Variants in SLC44A3 observed in about 807,000 individuals in gnomAD.
The protein encoded by SLC44A3 is choline transporter-like protein 3.
Under a neutral mutation model 75.4 loss-of-function variants are expected in SLC44A3, and 74 were observed. The observed-to-expected ratio is 0.98, with a 90% CI of 0.81 to 1.19. The LOEUF (loss-of-function observed/expected upper bound fraction) is 1.19, where lower values mean the gene tolerates loss of function less well. Ranked by LOEUF, SLC44A3 falls within the 50% of genes most tolerant of loss-of-function variation. SLC44A3 has a pLI of 0.00. For missense variants in SLC44A3, 700 were observed against 778.6 expected (o/e 0.90, Z 1.20); for synonymous variants, 310 against 296.9 (o/e 1.04, Z -0.45).
At position 94,864,742 on chromosome 1, in the gene SLC44A3, GA is replaced by G. The variant is rs1666964865; in HGVS notation, c.1240del (p.Ser414ValfsTer26). The G allele has an allele frequency of 1.9e-6, 3 of 1,611,124 alleles. No individual in the cohort carries two copies. Among genetic ancestry groups the G allele is most frequent in the Non-Finnish European group, 2.5e-6 (3 of 1,178,910 alleles). ...AGAVVTCYFN[R>X]SKNDPPDHPI... Reference sequence around the variant, plus strand: ...AATGCTATCCTTTTCCCTATTTCCAGAAGTAAAAATGATCCTCCTGATCATC... The same window carrying G: ...AATGCTATCCTTTTCCCTATTTCCAGAGTAAAAATGATCCTCCTGATCATC... On this transcript the variant is annotated frameshift_variant and splice_region_variant, in exon 11 of 15. Transcript: ENST00000271227. LOFTEE classifies it high-confidence loss of function.
chr1:94,872,582 C>T (rs1462374072), intron 12 of SLC44A3, among the ~76,000 whole-genome samples: 2 of 152,266 alleles, frequency 1.3e-5, no homozygotes. Context: ...AAAATGACTT[C>T]AGTCAGGTAT....
At chr1:94,820,514 C>T in intron 1 of SLC44A3, 36 bp downstream of exon 1, 4 of 1,485,974 alleles carry the variant, frequency 2.7e-6, no homozygotes, top group East Asian at 2.7e-5. Flanking sequence ...GGGGGAGGAG[C>T]CCCGGGGAAG....
At chr1:94,871,917 C>T (rs1667801363) in intron 12 of SLC44A3, among the ~76,000 whole-genome samples, 1 of 152,198 alleles carries the variant, frequency 6.6e-6, no homozygotes, top group Non-Finnish European at 1.5e-5. Flanking sequence ...AGACATCTAA[C>T]TGCCGAGGCA....
rs1206547941 is a variant in SLC44A3 at position 94,858,183 on chromosome 1, C to CA, written c.1238+690dup. On this transcript the variant is annotated intron_variant, in intron 10 of 14. Coordinates refer to ENST00000271227, the MANE Select transcript of SLC44A3 (RefSeq NM_001114106.3). ...AATATCCATCCTAATTGACTTCAGACAAAAAAATTACTGGTCTATTTTGAA... is the reference window on the plus strand; with the variant it reads ...AATATCCATCCTAATTGACTTCAGACAAAAAAAATTACTGGTCTATTTTGAA... 2.0e-5 allele frequency among the ~76,000 whole-genome samples: 3 copies of CA among 152,078 alleles called. No individual in the cohort carries two copies. In the East Asian group the frequency reaches 5.8e-4, roughly 29 times the overall value.
chr1:94,827,702 A>G, intron 4 of SLC44A3, 59 bp downstream of exon 4: 1 of 1,577,986 alleles, frequency 6.3e-7, no homozygotes, highest in Non-Finnish European at 8.7e-7. Context: ...GTGGGGACCT[A>G]GATGAGATCA....
intron 7 of SLC44A3, among the ~76,000 whole-genome samples, chr1:94,840,305 T>TA: frequency 6.8e-6 from 1 of 147,338 alleles, no homozygotes; most frequent in Non-Finnish European, 1.5e-5. Context: ...TTTTTTTTTT[T>TA]TTGAGGCAGG....
intron 12 of SLC44A3, among the ~76,000 whole-genome samples, chr1:94,878,464 A>T (rs1469884440): frequency 6.6e-6 from 1 of 152,144 alleles, no homozygotes; most frequent in African/African-American, 2.4e-5. Context: ...GCTTTTTAAC[A>T]TATACCAAAA....
chr1:94,842,017 T>C lies in SLC44A3; in HGVS notation c.778T>C (p.Trp260Arg), dbSNP rs770081467. 13 of 1,611,594 alleles carry C rather than the reference T, an allele frequency of 8.1e-6. No individual in the cohort carries two copies. In the Admixed American group the frequency reaches 2.2e-4, roughly 27 times the overall value. ...LGLLFVCGVL[W>R]WLYYDYTNDL... ...TTTTCTAGTTGTCTGCGGTGTTTTA[T>C]GGTGGCTGTATTATGACTATACCAA... Residue 260 changes from tryptophan to arginine, a missense_variant, in exon 8 of 15, where the codon TGG becomes CGG. Physicochemically the swap from Trp to Arg is moderately radical, Grantham distance 101. Coordinates refer to ENST00000271227, the MANE Select transcript of SLC44A3 (RefSeq NM_001114106.3).
intron 7 of SLC44A3, among the ~76,000 whole-genome samples, chr1:94,841,205 C>T (rs1011429071): frequency 2.6e-5 from 4 of 152,198 alleles, no homozygotes; most frequent in African/African-American, 9.7e-5. Context: ...CACATCTAAG[C>T]ACAGAAAAGT....
Position 94,870,143 on chromosome 1 carries a change from TTACTTTTCTCCC to T in SLC44A3, c.1482+2730_1482+2741del, listed in dbSNP as rs1281858196. Reference sequence around the variant, plus strand: ...AACTCTCAGTCTCATAATTTCTCATTTACTTTTCTCCCTACATCATAAATACTGAGTGTGTGC... The same window carrying T: ...AACTCTCAGTCTCATAATTTCTCATTTACATCATAAATACTGAGTGTGTGC... On this transcript the variant is annotated intron_variant, in intron 12 of 14. Coordinates refer to ENST00000271227, the MANE Select transcript of SLC44A3 (RefSeq NM_001114106.3). Among the ~76,000 whole-genome samples, 6 of 152,364 alleles carry T rather than the reference TTACTTTTCTCCC, an allele frequency of 3.9e-5. No individual in the cohort carries two copies. In the East Asian group the frequency reaches 9.6e-4, roughly 24 times the overall value.
intron 12 of SLC44A3, among the ~76,000 whole-genome samples, chr1:94,872,299 C>G (rs980191174): frequency 6.6e-6 from 1 of 152,034 alleles, no homozygotes; most frequent in Non-Finnish European, 1.5e-5. Context: ...TGGGGTTTCT[C>G]CATGTTGGCT....
rs149286483 is a variant in SLC44A3 at position 94,866,245 on chromosome 1, G to A, written c.1396-1086G>A. Among the ~76,000 whole-genome samples, 113 of 152,290 alleles carry A rather than the reference G, an allele frequency of 7.4e-4. 3 individuals are homozygous for A. The highest frequency in any genetic ancestry group is 6.7e-3 in the Admixed American group (102 of 15,294). ...TAAATTAATGAGCAGCCGGGAGCTTGCTCTCCCTCCTAAAGCTAGGCATTT... is the reference window on the plus strand; with the variant it reads ...TAAATTAATGAGCAGCCGGGAGCTTACTCTCCCTCCTAAAGCTAGGCATTT... On this transcript the variant is annotated intron_variant, in intron 11 of 14. Transcript: ENST00000271227.
intron 9 of SLC44A3, among the ~76,000 whole-genome samples, chr1:94,849,202 G>C (rs1571273687): frequency 6.6e-6 from 1 of 152,150 alleles, no homozygotes; most frequent in Non-Finnish European, 1.5e-5. Context: ...AGTGAAGTGT[G>C]ACGATTCACT....
chr1:94,829,459 C>T (rs1332282178), intron 5 of SLC44A3, among the ~76,000 whole-genome samples: 1 of 152,096 alleles, frequency 6.6e-6, no homozygotes. Context: ...ACTTGGTGGG[C>T]TCCTTGCAAG....
At chr1:94,845,591 G>T in intron 9 of SLC44A3, 127 bp downstream of exon 9, 1 of 830,112 alleles carries the variant, frequency 1.2e-6, no homozygotes, top group Non-Finnish European at 1.8e-6. Context: ...TGACAGCAGC[G>T]TTGGTGCTTG....
chr1:94,879,387 C>T (rs527299204), intron 12 of SLC44A3, among the ~76,000 whole-genome samples: 9 of 151,442 alleles, frequency 5.9e-5, no homozygotes, highest in African/African-American at 2.2e-4. Context: ...CAAAAATTAG[C>T]CAGGTGTGGT....
At chr1:94,880,895 T>A (rs1461525199) in intron 12 of SLC44A3, among the ~76,000 whole-genome samples, 1 of 96,978 alleles carries the variant, frequency 1.0e-5, no homozygotes, top group Admixed American at 1.3e-4. Flanking sequence ...TACATTTTTT[T>A]TTAATGACAA....
chr1:94,841,902 C>A lies in SLC44A3; in HGVS notation c.761-98C>A, dbSNP rs1257817608. ...CACTGCCAGAGCAGTGCCACGCGGC[C>A]GGTGGGCAGTGGCTGGACTTCCTGT... On this transcript the variant is annotated intron_variant, in intron 7 of 14. Transcript: ENST00000271227. 3.4e-6 allele frequency: 5 copies of A among 1,454,446 alleles called. No homozygotes were observed. In the Admixed American group the frequency reaches 9.7e-5, roughly 28 times the overall value. 90.1% of individuals were successfully genotyped at this position (1,454,446 alleles called of 1,614,324 possible).
intron 9 of SLC44A3, among the ~76,000 whole-genome samples, chr1:94,852,152 C>T (rs77180564): frequency 0.016 from 2,400 of 152,196 alleles, 66 homozygotes; most frequent in African/African-American, 0.055. Flanking sequence ...ATTAAAAATG[C>T]TGGAGATACA....
Sources: allele counts gnomAD v4.1 joint callset (sites outside exome capture counted in the v4.1 genomes callset), GRCh38; gene constraint gnomAD v4.1.1; transcripts MANE v1.5; gene names NCBI Gene and HGNC (gene_info 2026-07-23, HGNC 2026-07-21).